CPNE8: variants seen among roughly 807,000 people sequenced by gnomAD.
The protein encoded by CPNE8 is copine-8.
In CPNE8, 45 loss-of-function variants were observed where a neutral mutation model predicts 81.5. The ratio of observed to expected loss-of-function variants is 0.55; its 90% CI spans 0.44 to 0.71. The LOEUF (loss-of-function observed/expected upper bound fraction) is 0.71, where lower values mean the gene tolerates loss of function less well. Ranked by LOEUF, CPNE8 falls within the 30% of genes least tolerant of loss-of-function variation. The pLI is 0.00. For missense variants in CPNE8, 594 were observed against 672.1 expected (o/e 0.88, Z 1.28); for synonymous variants, 252 against 226.3 (o/e 1.11, Z -1.02).
At chr12:38,698,642 T>C (rs1939856294) in intron 14 of CPNE8, among the ~76,000 whole-genome samples, 1 of 152,212 alleles carries the variant, frequency 6.6e-6, no homozygotes, top group Non-Finnish European at 1.5e-5. Context: ...CCAGCACCAT[T>C]TGCTAAGACC....
chr12:38,744,822 T>C (rs537992938), intron 10 of CPNE8, among the ~76,000 whole-genome samples: 30 of 152,236 alleles, frequency 2.0e-4, no homozygotes, highest in Non-Finnish European at 4.3e-4. Flanking sequence ...AAAAGCTCTA[T>C]GCATATTCAA....
At chr12:38,892,602 G>T (rs949036920) in intron 1 of CPNE8, among the ~76,000 whole-genome samples, 1 of 152,162 alleles carries the variant, frequency 6.6e-6, no homozygotes, top group Non-Finnish European at 1.5e-5. Flanking sequence ...TAATGGTAGG[G>T]AAGTAATAGC....
At chr12:38,730,447 C>A in intron 10 of CPNE8, 89 bp from the exon 11 acceptor site, 2 of 618,092 alleles carry the variant, frequency 3.2e-6, no homozygotes, top group Admixed American at 2.8e-5. Context: ...TAATCATTAT[C>A]AAAAAAATGC....
intron 5 of CPNE8, among the ~76,000 whole-genome samples, chr12:38,832,302 C>T (rs1015367543): frequency 6.6e-6 from 1 of 152,148 alleles, no homozygotes; most frequent in Non-Finnish European, 1.5e-5. Flanking sequence ...CACCACTGGA[C>T]TCTACAGAAA....
At chr12:38,891,700 GC>G (rs1448448317) in intron 1 of CPNE8, among the ~76,000 whole-genome samples, 1 of 152,132 alleles carries the variant, frequency 6.6e-6, no homozygotes, top group Non-Finnish European at 1.5e-5. Context: ...GTCCGCCTCG[GC>G]CTCCCAAAGT....
chr12:38,740,914 T>A (rs1163159849), intron 10 of CPNE8, among the ~76,000 whole-genome samples: 1 of 152,130 alleles, frequency 6.6e-6, no homozygotes, highest in Non-Finnish European at 1.5e-5. Flanking sequence ...TAAAATGAGT[T>A]AGGGAGGATT....
chr12:38,776,362 A>AATT (rs1941936273), intron 6 of CPNE8, 61 bp from the exon 7 acceptor site: 1 of 518,582 alleles, frequency 1.9e-6, no homozygotes, highest in African/African-American at 2.0e-5. Flanking sequence ...ATATAATATA[A>AATT]ATTTATATAT....
intron 11 of CPNE8, among the ~76,000 whole-genome samples, chr12:38,727,699 T>G (rs1161896466): frequency 6.6e-6 from 1 of 151,922 alleles, no homozygotes; most frequent in Non-Finnish European, 1.5e-5. Context: ...GATGATATAA[T>G]CTGAGGCAAG....
At chr12:38,685,047 T>C (rs1201629807) in intron 16 of CPNE8, among the ~76,000 whole-genome samples, 1 of 152,190 alleles carries the variant, frequency 6.6e-6, no homozygotes, top group African/African-American at 2.4e-5. Context: ...TTCAGAGAGA[T>C]TAAAATAATG....
chr12:38,751,175 A>T (rs1380000133), intron 10 of CPNE8, among the ~76,000 whole-genome samples: 1 of 152,206 alleles, frequency 6.6e-6, no homozygotes, highest in Non-Finnish European at 1.5e-5. Flanking sequence ...ATGTCCAGTG[A>T]AACTTCTTTC....
intron 4 of CPNE8, among the ~76,000 whole-genome samples, chr12:38,840,217 G>A (rs972709019): frequency 1.3e-5 from 2 of 152,022 alleles, no homozygotes; most frequent in Admixed American, 6.6e-5. Context: ...TTTTTGATAA[G>A]TTTAAACTTT....
intron 3 of CPNE8, among the ~76,000 whole-genome samples, chr12:38,869,324 T>C (rs1321911905): frequency 6.6e-6 from 1 of 152,188 alleles, no homozygotes; most frequent in Non-Finnish European, 1.5e-5. Context: ...TAATGTATCC[T>C]TAATTGTATA....
chr12:38,684,190 T>C (rs771384198), intron 16 of CPNE8, among the ~76,000 whole-genome samples: 1 of 152,166 alleles, frequency 6.6e-6, no homozygotes, highest in Middle Eastern at 3.2e-3. Flanking sequence ...CAATATATAG[T>C]ATATATGACA....
chr12:38,809,942 G>T (rs1942899275), intron 6 of CPNE8, among the ~76,000 whole-genome samples: 1 of 152,098 alleles, frequency 6.6e-6, no homozygotes, highest in Non-Finnish European at 1.5e-5. Flanking sequence ...AGGTAAAATG[G>T]AGTCATGAGT....
At chr12:38,809,885 T>C (rs759074492) in intron 6 of CPNE8, among the ~76,000 whole-genome samples, 66 of 152,112 alleles carry the variant, frequency 4.3e-4, no homozygotes, top group Non-Finnish European at 2.4e-4. Flanking sequence ...GGGTCAAGCA[T>C]AGGATAACAG....
At chr12:38,869,740 C>T in intron 3 of CPNE8, among the ~76,000 whole-genome samples, 1 of 152,160 alleles carries the variant, frequency 6.6e-6, no homozygotes. Flanking sequence ...CTTCAGCCAT[C>T]TTCAGCTCCC....
intron 6 of CPNE8, among the ~76,000 whole-genome samples, chr12:38,785,420 C>G (rs1392554011): frequency 6.6e-6 from 1 of 151,480 alleles, no homozygotes; most frequent in Non-Finnish European, 1.5e-5. Context: ...TGAATTATAG[C>G]TCCCATAATT....
At position 38,896,106 on chromosome 12, in the gene CPNE8, T is replaced by C. The variant is rs914292143; in HGVS notation, c.98+9331A>G. On this transcript the variant is annotated intron_variant, in intron 1 of 19. Transcript: ENST00000331366. ...ATTTAAAGAAAATAGATGGCAAATA[T>C]CCAAAAGTTGCATGTTTCTTGGCTT... 1.7e-4 allele frequency among the ~76,000 whole-genome samples: 26 copies of C among 152,116 alleles called. 1 individual carries two copies.
intron 18 of CPNE8, chr12:38,671,016 A>T: frequency 2.1e-6 from 1 of 474,322 alleles, no homozygotes. Context: ...ATCTTTTGTG[A>T]CTCTTTGAAA....
Sources: gnomAD v4.1 joint callset for allele counts (sites outside exome capture counted in the v4.1 genomes callset) on GRCh38, gnomAD v4.1.1 for gene constraint, MANE v1.5 for transcripts, NCBI Gene and HGNC (gene_info 2026-07-23, HGNC 2026-07-21) for gene names.